SYTL2: variants seen among roughly 807,000 people sequenced by gnomAD.
SYTL2 encodes synaptotagmin like 2.
In SYTL2, 165 loss-of-function variants were observed where a neutral mutation model predicts 198.7. That is an observed-to-expected ratio of 0.83 (90% CI 0.73 to 0.94). SYTL2 has a LOEUF of 0.94. Among genes scored for constraint, SYTL2 ranks in the 40% least tolerant of loss-of-function variants. The probability of loss-of-function intolerance (pLI) is 0.00; values close to 1 mark genes in which losing one functional copy is unlikely to be tolerated. For synonymous variants in SYTL2, 966 were observed against 917.7 expected (o/e 1.05, Z -0.95); for missense variants, 2,835 against 2,582.8 (o/e 1.10, Z -2.12).
At chr11:85,786,350 C>T (rs1292562499) in intron 1 of SYTL2, among the ~76,000 whole-genome samples, 1 of 152,092 alleles carries the variant, frequency 6.6e-6, no homozygotes, top group African/African-American at 2.4e-5. Context: ...TGATGGTTGA[C>T]ACATGTGATA....
chr11:85,699,767 A>C (rs960746196), intron 17 of SYTL2, among the ~76,000 whole-genome samples: 19 of 152,210 alleles, frequency 1.2e-4, no homozygotes, highest in African/African-American at 4.3e-4. Flanking sequence ...CTTGCTTGGG[A>C]AATGGAGCAA....
At chr11:85,747,208 A>T (rs574915017) in intron 3 of SYTL2, among the ~76,000 whole-genome samples, 1 of 152,188 alleles carries the variant, frequency 6.6e-6, no homozygotes, top group African/African-American at 2.4e-5. Context: ...TAATCGCAGC[A>T]CTTTGGGAGG....
At chr11:85,769,117 T>C (rs1250083701) in intron 1 of SYTL2, among the ~76,000 whole-genome samples, 1 of 152,252 alleles carries the variant, frequency 6.6e-6, no homozygotes, top group Admixed American at 6.5e-5. Flanking sequence ...ATAAGTTATG[T>C]TCCATAAGTA....
In SYTL2 at chr11:85,727,659, T is replaced by C; in HGVS notation, c.1699A>G (p.Thr567Ala). 1 of 1,537,822 alleles carries C rather than the reference T, an allele frequency of 6.5e-7. No homozygotes were observed. The highest frequency in any genetic ancestry group is 8.7e-7 in the Non-Finnish European group (1 of 1,146,862). Residue 567 changes from threonine to alanine, a missense_variant, in exon 8 of 20, where the codon ACT becomes GCT. By Grantham distance (58) the Thr-to-Ala change is moderately conservative. Coordinates refer to ENST00000359152, the MANE Select transcript of SYTL2 (RefSeq NM_206927.4). ...VAVDLVTDDT[T>A]LRENGSKTLS... is the part of the protein sequence containing the mutation. ...GTCTTTGAGCCATTTTCTCTTAAAG[T>C]AGTGTCATCTGTCACCAAGTCAACA...
At chr11:85,786,949 C>A (rs2092645480) in intron 1 of SYTL2, among the ~76,000 whole-genome samples, 1 of 152,178 alleles carries the variant, frequency 6.6e-6, no homozygotes, top group African/African-American at 2.4e-5. Flanking sequence ...AATAAAAGTG[C>A]TTTTAATAAA....
In SYTL2 at chr11:85,740,891, G is replaced by C. The variant is rs1464097257; in HGVS notation, c.390-3235C>G. On this transcript the variant is annotated intron_variant, in intron 4 of 19. Coordinates refer to ENST00000359152, the MANE Select transcript of SYTL2 (RefSeq NM_206927.4). ...AAAAAGAATAAATAACATCAGGAAG[G>C]GCCACTGGGGGAAGAGGTTTTACAG... 2.0e-5 allele frequency among the ~76,000 whole-genome samples: 3 copies of C among 152,128 alleles called. No individual in the cohort carries two copies. In the East Asian group the frequency reaches 5.8e-4, roughly 29 times the overall value.
chr11:85,793,117 G>T (rs1408358861), intron 1 of SYTL2, among the ~76,000 whole-genome samples: 2 of 151,776 alleles, frequency 1.3e-5, no homozygotes, highest in African/African-American at 4.9e-5. Flanking sequence ...ATAGCAGCAT[G>T]ATTTATAGTC....
chr11:85,833,176 A>G, the SYTL2 span, among the ~76,000 whole-genome samples: 1 of 146,578 alleles, frequency 6.8e-6, no homozygotes, highest in Non-Finnish European at 1.5e-5. Flanking sequence ...AGAAAGAAAG[A>G]AAGAAACAAA....
chr11:85,745,775 G>T lies in SYTL2; in HGVS notation c.254-3C>A. On this transcript the variant is annotated splice_polypyrimidine_tract_variant and splice_region_variant and intron_variant, in intron 3 of 19. Coordinates refer to ENST00000359152, the MANE Select transcript of SYTL2 (RefSeq NM_206927.4). The stretch of plus-strand genomic sequence containing the variant: ...TTCTCTGTCTTTACTCTGCTCAGCT[G>T]AAACAGGAAACAGTAAAGACAGGAA... 1 of 1,607,226 alleles carries T rather than the reference G, an allele frequency of 6.2e-7. No homozygotes were observed.
intron 1 of SYTL2, among the ~76,000 whole-genome samples, 198 bp downstream of exon 1, chr11:85,810,756 A>G (rs535857065): frequency 3.9e-5 from 6 of 152,342 alleles, no homozygotes; most frequent in African/African-American, 1.4e-4. Flanking sequence ...GCTCTGGAGT[A>G]GGTGGGAAAC....
chr11:85,730,321 G>A (rs76941254), intron 7 of SYTL2, among the ~76,000 whole-genome samples: 1 of 152,178 alleles, frequency 6.6e-6, no homozygotes, highest in African/African-American at 2.4e-5. Flanking sequence ...TATCCCTGAT[G>A]AACATTGATA....
At chr11:85,801,516 A>G (rs1172620755) in intron 1 of SYTL2, among the ~76,000 whole-genome samples, 1 of 152,232 alleles carries the variant, frequency 6.6e-6, no homozygotes, top group Non-Finnish European at 1.5e-5. Flanking sequence ...TACAAGTACC[A>G]TTACCTTTTA....
At chr11:85,829,044 GCT>G in the SYTL2 span, among the ~76,000 whole-genome samples, 10 of 108,352 alleles carry the variant, frequency 9.2e-5, no homozygotes, top group Non-Finnish European at 9.0e-5. Flanking sequence ...CCAAAAAAGA[GCT>G]CTGTTTTTTT....
chr11:85,852,322 G>A, the SYTL2 span, among the ~76,000 whole-genome samples: 6 of 152,150 alleles, frequency 3.9e-5, no homozygotes, highest in Admixed American at 3.3e-4. Context: ...GGACATAGAC[G>A]CTCCTAGGAT....
intron 17 of SYTL2, among the ~76,000 whole-genome samples, chr11:85,698,335 G>A (rs772919471): frequency 1.8e-4 from 28 of 151,962 alleles, no homozygotes; most frequent in Non-Finnish European, 3.8e-4. Context: ...ATTCATTTGG[G>A]GTTTTGCTTG....
At chr11:85,807,565 G>T (rs1043081084) in intron 1 of SYTL2, among the ~76,000 whole-genome samples, 1 of 147,618 alleles carries the variant, frequency 6.8e-6, no homozygotes, top group Non-Finnish European at 1.5e-5. Flanking sequence ...CTTGCCCAAG[G>T]TCACACAGGT....
chr11:85,784,551 G>C (rs2092607866), intron 1 of SYTL2, among the ~76,000 whole-genome samples: 1 of 152,112 alleles, frequency 6.6e-6, no homozygotes, highest in African/African-American at 2.4e-5. Context: ...CATCAAAGGA[G>C]ATCAAGGAGA....
At chr11:85,833,098 A>AGAAAGAAAGAAGGAAGGAAG in the SYTL2 span, among the ~76,000 whole-genome samples, 1 of 32,530 alleles carries the variant, frequency 3.1e-5, no homozygotes, top group Non-Finnish European at 6.9e-5. Flanking sequence ...AAAGAAAGAA[A>AGAAAGAAAGAAGGAAGGAAG]GAAGGAAGGA....
chr11:85,707,062 A>C (rs777943417), intron 15 of SYTL2, among the ~76,000 whole-genome samples: 2 of 150,820 alleles, frequency 1.3e-5, no homozygotes, highest in African/African-American at 2.4e-5. Context: ...CTGGTCTTGA[A>C]CTCCTGACCT....
Sources: gnomAD v4.1 joint callset for allele counts (sites outside exome capture counted in the v4.1 genomes callset) on GRCh38, gnomAD v4.1.1 for gene constraint, MANE v1.5 for transcripts, NCBI Gene and HGNC (gene_info 2026-07-23, HGNC 2026-07-21) for gene names.